The following ERC2 variants were observed in gnomAD, a reference collection of about 807,000 sequenced individuals.
ERC2 encodes ELKS/RAB6-interacting/CAST family member 2, also known as ERC protein 2.
ERC2 carries 42 observed loss-of-function variants against 114.8 expected under a neutral mutation model. The ratio of observed to expected loss-of-function variants is 0.37; its 90% CI spans 0.29 to 0.47. The LOEUF is 0.47. Ranked by LOEUF, ERC2 falls within the 20% of genes least tolerant of loss-of-function variation. ERC2 has a pLI of 0.99. For missense variants in ERC2, 939 were observed against 1,150.7 expected, an observed-to-expected ratio of 0.82 and a Z score of 2.66; for synonymous variants, 454 against 425.5, an observed-to-expected ratio of 1.07 and a Z score of -0.82.
At chr3:55,600,295 G>GA (rs1451445471) in intron 17 of ERC2, among the ~76,000 whole-genome samples, 1 of 152,142 alleles carries the variant, frequency 6.6e-6, no homozygotes, top group Non-Finnish European at 1.5e-5. Context: ...GGGCTTACCA[G>GA]AAAAATGTAA....
intron 2 of ERC2, among the ~76,000 whole-genome samples, chr3:56,312,238 C>T (rs1329619512): frequency 2.0e-5 from 3 of 152,048 alleles, no homozygotes; most frequent in South Asian, 2.1e-4. Context: ...TAATTCTGTC[C>T]TGCTACTTAT....
chr3:56,192,225 C>G (rs1169444697), intron 3 of ERC2, among the ~76,000 whole-genome samples: 2 of 152,150 alleles, frequency 1.3e-5, no homozygotes, highest in African/African-American at 4.8e-5. Context: ...GCACTCTGCT[C>G]TCTAACATGA....
chr3:55,750,368 A>G (rs898021527), intron 14 of ERC2, among the ~76,000 whole-genome samples: 1 of 152,200 alleles, frequency 6.6e-6, no homozygotes, highest in African/African-American at 2.4e-5. Flanking sequence ...CACCCCTTGT[A>G]AAGTTGAGTA....
At chr3:56,021,898 T>C (rs886236825) in intron 7 of ERC2, among the ~76,000 whole-genome samples, 1 of 152,214 alleles carries the variant, frequency 6.6e-6, no homozygotes, top group Admixed American at 6.5e-5. Flanking sequence ...CACAAGACAT[T>C]ATCTCATTCT....
chr3:55,955,346 G>C (rs905768856), intron 12 of ERC2, among the ~76,000 whole-genome samples: 2 of 151,410 alleles, frequency 1.3e-5, no homozygotes, highest in African/African-American at 4.9e-5. Context: ...ACAAGTCAAA[G>C]GTTTTTGTTC....
At chr3:56,424,302 C>T (rs1182369537) in intron 2 of ERC2, among the ~76,000 whole-genome samples, 1 of 151,934 alleles carries the variant, frequency 6.6e-6, no homozygotes, top group Non-Finnish European at 1.5e-5. Context: ...TTATGTGCTG[C>T]TGCAATCCCG....
intron 14 of ERC2, among the ~76,000 whole-genome samples, chr3:55,880,593 A>C (rs1354105741): frequency 6.6e-6 from 1 of 152,156 alleles, no homozygotes; most frequent in Non-Finnish European, 1.5e-5. Context: ...ACTACAGGTA[A>C]CTCAGAAAGC....
At chr3:56,396,772 C>A (rs927444934) in intron 2 of ERC2, among the ~76,000 whole-genome samples, 4 of 152,044 alleles carry the variant, frequency 2.6e-5, no homozygotes, top group Admixed American at 2.6e-4. Context: ...CAAAGGAGAA[C>A]GGTCCCTTCC....
intron 13 of ERC2, among the ~76,000 whole-genome samples, chr3:55,896,421 G>T (rs1425261374): frequency 6.6e-6 from 1 of 152,190 alleles, no homozygotes; most frequent in Non-Finnish European, 1.5e-5. Flanking sequence ...AAAAATGCTA[G>T]TTGGAGAATC....
chr3:56,233,836 A>G (rs946926995), intron 3 of ERC2, among the ~76,000 whole-genome samples: 48 of 152,222 alleles, frequency 3.2e-4, no homozygotes, highest in African/African-American at 1.1e-3. Flanking sequence ...AATCACATCA[A>G]TCTGACCTCT....
At chr3:56,164,433 C>G (rs563374114) in intron 4 of ERC2, among the ~76,000 whole-genome samples, 146 of 152,188 alleles carry the variant, frequency 9.6e-4, no homozygotes, top group African/African-American at 3.4e-3. Flanking sequence ...TAATTTATTA[C>G]TTTTTGTTGA....
chr3:56,323,861 G>A (rs553573981), intron 2 of ERC2, among the ~76,000 whole-genome samples: 1 of 152,198 alleles, frequency 6.6e-6, no homozygotes, highest in Admixed American at 6.5e-5. Flanking sequence ...GGGTTCACAT[G>A]TCACCTCCAC....
intron 11 of ERC2, among the ~76,000 whole-genome samples, chr3:55,990,113 C>T (rs1015329278): frequency 1.3e-5 from 2 of 152,018 alleles, no homozygotes; most frequent in Non-Finnish European, 2.9e-5. Flanking sequence ...AATGTAGTTC[C>T]AAAATAGATC....
At chr3:55,701,870 A>C (rs1294633908) in intron 15 of ERC2, among the ~76,000 whole-genome samples, 4 of 152,180 alleles carry the variant, frequency 2.6e-5, no homozygotes, top group African/African-American at 9.7e-5. Context: ...ATAAATCTGG[A>C]ATTGTTTCTT....
At chr3:56,185,556 A>G (rs1193771307) in intron 3 of ERC2, among the ~76,000 whole-genome samples, 1 of 152,166 alleles carries the variant, frequency 6.6e-6, no homozygotes, top group Admixed American at 6.5e-5. Context: ...TTTAGATGAG[A>G]TTTTGGACTG....
At chr3:56,003,819 T>A (rs2072263503) in intron 10 of ERC2, among the ~76,000 whole-genome samples, 1 of 152,106 alleles carries the variant, frequency 6.6e-6, no homozygotes, top group Admixed American at 6.6e-5. Flanking sequence ...TCCAAGTGCT[T>A]TAGAATCTAT....
rs528854432 is a variant in ERC2, at chr3:56,079,071, G to A, written c.1641+1746C>T. 7.5e-4 allele frequency among the ~76,000 whole-genome samples: 114 copies of A among 152,110 alleles called. 1 individual carries two copies. The highest frequency in any genetic ancestry group is 2.6e-3 in the African/African-American group (109 of 41,524). On this transcript the variant is annotated intron_variant, in intron 7 of 17. Coordinates refer to ENST00000288221, the MANE Select transcript of ERC2 (RefSeq NM_015576.3). ...AAGAAGCAAAGGCATGAGCCATGTG[G>A]CTATTTCGAGCAGTTCTGTCAATAG...
intron 1 of ERC2, among the ~76,000 whole-genome samples, chr3:56,467,955 A>G (rs2063625546): frequency 6.6e-6 from 1 of 151,976 alleles, no homozygotes; most frequent in Non-Finnish European, 1.5e-5. Flanking sequence ...GGACTGCGGG[A>G]GGTGGCCCGG....
At chr3:56,361,493 A>G (rs2058957032) in intron 2 of ERC2, among the ~76,000 whole-genome samples, 1 of 152,252 alleles carries the variant, frequency 6.6e-6, no homozygotes, top group Non-Finnish European at 1.5e-5. Context: ...GGAGATTAGC[A>G]CAAGACCTCC....
Sources: gnomAD v4.1 joint callset for allele counts (sites outside exome capture counted in the v4.1 genomes callset) on GRCh38, gnomAD v4.1.1 for gene constraint, MANE v1.5 for transcripts, NCBI Gene and HGNC (gene_info 2026-07-23, HGNC 2026-07-21) for gene names.